The following CIB1 variants were observed in gnomAD, a reference collection of about 807,000 sequenced individuals.
The protein encoded by CIB1 is calcium and integrin-binding protein 1.
CIB1 carries 19 observed loss-of-function variants against 25.0 expected under a neutral mutation model. That is an observed-to-expected ratio of 0.76 (90% confidence interval 0.53 to 1.12). The LOEUF is 1.12. Among genes scored for constraint, CIB1 ranks in the 50% most tolerant of loss-of-function variants. The pLI is 0.00. For synonymous variants in CIB1, 104 were observed against 98.5 expected, an observed-to-expected ratio of 1.06 and a Z score of -0.33; for missense variants, 236 against 242.6, an observed-to-expected ratio of 0.97 and a Z score of 0.18.
the CIB1 span, chr15:90,241,554 C>T: frequency 1.2e-6 from 2 of 1,613,304 alleles, no homozygotes; most frequent in Admixed American, 1.7e-5. Flanking sequence ...CTCGGTGAAC[C>T]ACCTCCACCT....
chr15:90,231,055 A>C (rs1355283247), intron 5 of CIB1, 33 bp from the exon 6 acceptor site: 1 of 1,613,262 alleles, frequency 6.2e-7, no homozygotes, highest in African/African-American at 1.3e-5. Context: ...CCAGAGCCCC[A>C]ACTGCTCCCT....
At chr15:90,264,603 T>C in the CIB1 span, 1 of 1,185,570 alleles carries the variant, frequency 8.4e-7, no homozygotes, top group Non-Finnish European at 1.2e-6. Flanking sequence ...GGAAAGACAG[T>C]GGAGGGAAGC....
At position 90,233,664 on chromosome 15, in the gene CIB1, C is replaced by T; in HGVS notation, c.86+5G>A. 2 of 1,576,696 alleles carry T rather than the reference C, an allele frequency of 1.3e-6. No individual in the cohort carries two copies. The highest frequency in any genetic ancestry group is 1.7e-6 in the Non-Finnish European group (2 of 1,160,868). On this transcript the variant is annotated splice_donor_5th_base_variant and intron_variant, in intron 2 of 6. Coordinates refer to ENST00000328649, the MANE Select transcript of CIB1 (RefSeq NM_006384.4). ...GTCGGAGGCAGGGTTCAAGGCAGCA[C>T]TTACAGGAGGATCTCCTGCTTCGTC...
At chr15:90,257,866 G>T in the CIB1 span, 1 of 949,944 alleles carries the variant, frequency 1.1e-6, no homozygotes, top group Non-Finnish European at 1.6e-6. Flanking sequence ...CTGCACTTTG[G>T]AGCTCTAAGT....
the CIB1 span, chr15:90,253,384 C>G: frequency 5.0e-6 from 8 of 1,592,874 alleles, no homozygotes; most frequent in African/African-American, 1.1e-4. Context: ...ATCTCCTGAC[C>G]TGAGAGCCGA....
chr15:90,251,131 T>TTTTTTTTTTTTTTA, the CIB1 span, among the ~76,000 whole-genome samples: 1 of 145,476 alleles, frequency 6.9e-6, no homozygotes, highest in African/African-American at 2.6e-5. Flanking sequence ...TTTTTTTTTT[T>TTTTTTTTTTTTTTA]GAGACAGAGT....
chr15:90,246,079 G>A, the CIB1 span, among the ~76,000 whole-genome samples: 1 of 152,082 alleles, frequency 6.6e-6, no homozygotes, highest in Non-Finnish European at 1.5e-5. Context: ...TTCAAGACCA[G>A]CCTAACCAAC....
At chr15:90,265,673 C>A in the CIB1 span, 2 of 1,608,712 alleles carry the variant, frequency 1.2e-6, no homozygotes, top group South Asian at 1.1e-5. Flanking sequence ...ACTTCCGCTG[C>A]TGTTTCGTAG....
At chr15:90,249,214 C>CAAAAAAAAAA in the CIB1 span, among the ~76,000 whole-genome samples, 1 of 88,228 alleles carries the variant, frequency 1.1e-5, no homozygotes, top group Admixed American at 1.3e-4. Flanking sequence ...GACCCCGTCT[C>CAAAAAAAAAA]AAAAAAAAAA....
rs1030760490 is a variant in CIB1 at position 90,233,573 on chromosome 15, C to T, written c.86+96G>A. ...CCTCCAGCTCCCGCTCCTCTGCAGA[C>T]CTCAGGCCAGCCCCCGCCCCTCCCT... On this transcript the variant is annotated intron_variant, in intron 2 of 6. Transcript: ENST00000328649. The T allele has an allele frequency of 6.8e-6, 10 of 1,465,168 alleles. No homozygotes were observed. In the Admixed American group the frequency reaches 1.6e-4, roughly 23 times the overall value. The allele number at this position is 1,465,168 out of a possible 1,614,324, so 90.8% of individuals were successfully genotyped here.
chr15:90,263,806 C>A, the CIB1 span: 5 of 709,820 alleles, frequency 7.0e-6, no homozygotes, highest in Admixed American at 2.0e-5. Flanking sequence ...CCTACTGGTG[C>A]TCCTAAGAGG....
the CIB1 span, chr15:90,241,182 G>C: frequency 6.2e-7 from 1 of 1,614,078 alleles, no homozygotes; most frequent in African/African-American, 1.3e-5. Context: ...CCCTGGTGCT[G>C]TGGGTTTCGT....
the CIB1 span, chr15:90,265,435 T>G: frequency 7.7e-7 from 1 of 1,306,596 alleles, no homozygotes; most frequent in East Asian, 3.5e-5. Context: ...GGACGGCTCT[T>G]GGAAACGGAA....
chr15:90,248,718 C>CA, the CIB1 span, among the ~76,000 whole-genome samples: 56 of 27,790 alleles, frequency 2.0e-3, 9 homozygotes, highest in Non-Finnish European at 2.5e-3. Flanking sequence ...GACCCTGTCT[C>CA]AAAAAAAAAA....
the CIB1 span, among the ~76,000 whole-genome samples, chr15:90,254,206 A>ATTT: frequency 4.8e-5 from 4 of 83,338 alleles, no homozygotes; most frequent in African/African-American, 1.4e-4. Context: ...TTTTTTTAAA[A>ATTT]AAAAAAGGCT....
At chr15:90,257,514 C>T in the CIB1 span, 5 of 1,037,126 alleles carry the variant, frequency 4.8e-6, no homozygotes, top group African/African-American at 6.3e-5. Context: ...TAGCAGTCCT[C>T]TGGTGGAGAG....
the CIB1 span, chr15:90,250,782 G>T: frequency 1.2e-6 from 2 of 1,614,136 alleles, no homozygotes; most frequent in Non-Finnish European, 1.7e-6. Flanking sequence ...TTAAAAAATG[G>T]GGTTCCCTCA....
chr15:90,265,365 G>A, the CIB1 span: 294 of 1,229,018 alleles, frequency 2.4e-4, 1 homozygote, highest in African/African-American at 4.1e-3. Flanking sequence ...ACTGCCGAGC[G>A]GAAGCCCTGC....
At position 90,233,886 on chromosome 15, in the gene CIB1, C is replaced by A; in HGVS notation, c.-1G>T. 6 of 1,469,952 alleles carry A rather than the reference C, an allele frequency of 4.1e-6. No homozygotes were observed. Among genetic ancestry groups the A allele is most frequent in the Non-Finnish European group, 5.4e-6 (6 of 1,113,902 alleles). The allele number at this position is 1,469,952 out of a possible 1,614,324, so 91.1% of individuals were successfully genotyped here. ...ACAGGCGACTGCCCGAGCCCCCCAT[C>A]GCCCCGCCGCGCGCACAGCTCCGCC... On this transcript the variant is annotated 5_prime_UTR_variant, in exon 1 of 7. Transcript: ENST00000328649.
Sources: gnomAD v4.1 joint callset for allele counts (sites outside exome capture counted in the v4.1 genomes callset) on GRCh38, gnomAD v4.1.1 for gene constraint, MANE v1.5 for transcripts, NCBI Gene and HGNC (gene_info 2026-07-23, HGNC 2026-07-21) for gene names.